The following ZNF804A variants were observed in gnomAD, a reference collection of about 807,000 sequenced individuals.
The protein encoded by ZNF804A is zinc finger protein 804A.
Under a neutral mutation model 16.5 loss-of-function variants are expected in ZNF804A, and 2 were observed. That is an observed-to-expected ratio of 0.12 (90% CI 0.05 to 0.38). ZNF804A has a LOEUF of 0.38. ZNF804A is among the 10% of genes least tolerant of loss of function. The pLI, the probability that ZNF804A is intolerant of heterozygous loss-of-function variation, is 0.99. For missense variants in ZNF804A, 1,473 were observed against 1,390.7 expected (o/e 1.06, Z -0.94); for synonymous variants, 534 against 489.6 (o/e 1.09, Z -1.20).
intron 2 of ZNF804A, among the ~76,000 whole-genome samples, chr2:184,910,286 G>T (rs185064454): frequency 1.4e-4 from 21 of 151,980 alleles, no homozygotes; most frequent in Admixed American, 3.3e-4. Context: ...CATTCATGTT[G>T]CTGTAAAGGA....
intron 1 of ZNF804A, among the ~76,000 whole-genome samples, chr2:184,762,198 T>G (rs1195905114): frequency 5.4e-5 from 3 of 55,996 alleles, no homozygotes; most frequent in Non-Finnish European, 8.9e-5. Flanking sequence ...CTTTCTTTCT[T>G]TTCTTTTCTT....
intron 1 of ZNF804A, among the ~76,000 whole-genome samples, chr2:184,859,071 C>T (rs184949976): frequency 1.3e-5 from 2 of 151,990 alleles, no homozygotes; most frequent in Admixed American, 6.5e-5. Context: ...TTTTTTATTG[C>T]TGCTTTCAGG....
intron 1 of ZNF804A, among the ~76,000 whole-genome samples, chr2:184,845,526 G>C (rs565215813): frequency 6.6e-6 from 1 of 152,188 alleles, no homozygotes; most frequent in African/African-American, 2.4e-5. Context: ...CCCAACTTGG[G>C]TGAGACAGAA....
At chr2:184,691,605 A>G (rs1237419402) in intron 1 of ZNF804A, among the ~76,000 whole-genome samples, 1 of 151,802 alleles carries the variant, frequency 6.6e-6, no homozygotes, top group Non-Finnish European at 1.5e-5. Context: ...GTTCCTGAAA[A>G]TATTAGAATA....
chr2:184,889,350 T>C (rs1370930619), intron 2 of ZNF804A, among the ~76,000 whole-genome samples: 1 of 151,386 alleles, frequency 6.6e-6, no homozygotes, highest in East Asian at 1.9e-4. Context: ...TGAGACCTGA[T>C]GTACTAATTT....
At chr2:184,754,469 C>T (rs532692376) in intron 1 of ZNF804A, among the ~76,000 whole-genome samples, 4 of 151,892 alleles carry the variant, frequency 2.6e-5, no homozygotes, top group Non-Finnish European at 5.9e-5. Flanking sequence ...TCACTGTTCA[C>T]ATATGTGCTA....
intron 1 of ZNF804A, among the ~76,000 whole-genome samples, chr2:184,752,632 C>T (rs573201046): frequency 9.9e-5 from 15 of 151,504 alleles, no homozygotes; most frequent in South Asian, 4.2e-4. Flanking sequence ...TAAAATAAAA[C>T]GTATTTTACA....
At chr2:184,679,576 C>T (rs1324390498) in intron 1 of ZNF804A, among the ~76,000 whole-genome samples, 1 of 152,174 alleles carries the variant, frequency 6.6e-6, no homozygotes, top group Non-Finnish European at 1.5e-5. Flanking sequence ...TGCCTGCTCT[C>T]GCTATCTGTC....
chr2:184,678,997 G>C (rs1022330449), intron 1 of ZNF804A, among the ~76,000 whole-genome samples: 2 of 152,060 alleles, frequency 1.3e-5, no homozygotes, highest in African/African-American at 4.8e-5. Context: ...GTGAGACTCG[G>C]TTATAAAATA....
intron 1 of ZNF804A, among the ~76,000 whole-genome samples, chr2:184,735,735 G>T (rs1693597490): frequency 6.6e-6 from 1 of 152,108 alleles, no homozygotes; most frequent in Non-Finnish European, 1.5e-5. Context: ...TAAAACAGTG[G>T]TTTTCCAAGA....
chr2:184,678,477 G>A (rs1425541700), intron 1 of ZNF804A, among the ~76,000 whole-genome samples: 1 of 151,944 alleles, frequency 6.6e-6, no homozygotes, highest in African/African-American at 2.4e-5. Flanking sequence ...AGTCACCGTA[G>A]CAACTTTGCA....
At chr2:184,929,337 G>T (rs1438797455) in intron 2 of ZNF804A, among the ~76,000 whole-genome samples, 1 of 152,152 alleles carries the variant, frequency 6.6e-6, no homozygotes, top group Non-Finnish European at 1.5e-5. Context: ...CTGGCATTTT[G>T]CATGCTTTCT....
At chr2:184,901,911 C>T (rs546434280) in intron 2 of ZNF804A, among the ~76,000 whole-genome samples, 32 of 151,820 alleles carry the variant, frequency 2.1e-4, no homozygotes, top group East Asian at 1.2e-3. Flanking sequence ...TATCACATGA[C>T]GCTTTCTTAT....
At chr2:184,701,573 G>A (rs1353230345) in intron 1 of ZNF804A, among the ~76,000 whole-genome samples, 2 of 151,674 alleles carry the variant, frequency 1.3e-5, no homozygotes, top group Non-Finnish European at 3.0e-5. Flanking sequence ...TTATGCCTTA[G>A]GAACATTTTA....
At chr2:184,777,563 T>G (rs1397800005) in intron 1 of ZNF804A, among the ~76,000 whole-genome samples, 3 of 127,974 alleles carry the variant, frequency 2.3e-5, no homozygotes, top group Non-Finnish European at 4.5e-5. Context: ...GCTGTCTACA[T>G]TTTTTTTTAC....
chr2:184,853,395 C>G (rs1018256235), intron 1 of ZNF804A, among the ~76,000 whole-genome samples: 1 of 151,786 alleles, frequency 6.6e-6, no homozygotes, highest in African/African-American at 2.4e-5. Flanking sequence ...GACTTCATCT[C>G]TTGCCTAATT....
At chr2:184,749,595 G>A (rs561719017) in intron 1 of ZNF804A, among the ~76,000 whole-genome samples, 153 of 151,086 alleles carry the variant, frequency 1.0e-3, no homozygotes, top group Middle Eastern at 3.4e-3. Context: ...TTACTCTGGC[G>A]AGGGATTCTA....
chr2:184,703,685 G>A (rs1692966206), intron 1 of ZNF804A, among the ~76,000 whole-genome samples: 1 of 59,744 alleles, frequency 1.7e-5, no homozygotes, highest in Non-Finnish European at 3.5e-5. Context: ...GCAAGACTCC[G>A]GTTCAAAAAA....
At chr2:184,804,393 C>A (rs964981869) in intron 1 of ZNF804A, among the ~76,000 whole-genome samples, 1 of 152,102 alleles carries the variant, frequency 6.6e-6, no homozygotes, top group African/African-American at 2.4e-5. Context: ...CAAATTGTGT[C>A]CGGATGTATC....
Sources: gnomAD v4.1 joint callset for allele counts (sites outside exome capture counted in the v4.1 genomes callset) on GRCh38, gnomAD v4.1.1 for gene constraint, MANE v1.5 for transcripts, NCBI Gene and HGNC (gene_info 2026-07-23, HGNC 2026-07-21) for gene names.